GPI: variants seen among roughly 807,000 people sequenced by gnomAD.
GPI encodes the protein D-hexose-6-phosphate anomerase.
A neutral mutation model predicts 75.8 loss-of-function variants in GPI; 56 were observed. The observed-to-expected ratio is 0.74, with a 90% confidence interval of 0.60 to 0.92. GPI has a LOEUF of 0.92. GPI is among the 40% of genes least tolerant of loss of function. GPI has a pLI of 0.00. For synonymous variants in GPI, 288 were observed against 285.4 expected (o/e 1.01, Z -0.09); for missense variants, 638 against 741.0 (o/e 0.86, Z 1.61).
upstream of GPI, among the ~76,000 whole-genome samples, chr19:34,360,456 G>A (rs575861253): frequency 5.3e-5 from 8 of 152,194 alleles, no homozygotes; most frequent in South Asian, 2.1e-4. Flanking sequence ...AAAATTAGCC[G>A]GGACGGGGTG....
At chr19:34,394,954 T>G (rs1180573380) in intron 12 of GPI, among the ~76,000 whole-genome samples, 3 of 152,044 alleles carry the variant, frequency 2.0e-5, no homozygotes, top group Non-Finnish European at 4.4e-5. Context: ...CCTCAAGCGA[T>G]CCACCTGCCT....
In GPI at chr19:34,400,504, ATCAG is replaced by A; in HGVS notation, c.*473_*476del. ...AAGACAATAGTGGGGTGGGGGCACAATCAGTCAGGACGGCAACTTGGCCTGTGTC... is the reference window on the plus strand; with the variant it reads ...AAGACAATAGTGGGGTGGGGGCACAATCAGGACGGCAACTTGGCCTGTGTC... On this transcript the variant is annotated 3_prime_UTR_variant, in exon 18 of 18. Transcript: ENST00000356487. 2.0e-6 allele frequency: 1 copy of A among 502,964 alleles called. No individual in the cohort carries two copies. Among genetic ancestry groups the A allele is most frequent in the Non-Finnish European group, 3.5e-6 (1 of 288,476 alleles). The allele number at this position is 502,964 out of a possible 1,614,324, so 31.2% of individuals were successfully genotyped here.
intron 4 of GPI, among the ~76,000 whole-genome samples, 161 bp from the exon 5 acceptor site, chr19:34,377,342 T>A (rs1242692567): frequency 9.9e-4 from 80 of 81,164 alleles, no homozygotes; most frequent in Admixed American, 1.4e-3. Context: ...AAAAAATATA[T>A]ATATATATAT....
At chr19:34,397,573 C>T (rs2074963228) in intron 14 of GPI, 1 of 151,874 alleles carries the variant, frequency 6.6e-6, no homozygotes, top group Admixed American at 6.6e-5. Context: ...CTCAACGTCC[C>T]AGGCTCAAGC....
At chr19:34,371,168 G>A (rs968498622) in intron 4 of GPI, among the ~76,000 whole-genome samples, 3 of 152,248 alleles carry the variant, frequency 2.0e-5, no homozygotes, top group South Asian at 2.1e-4. Context: ...CTTAAAGCTG[G>A]CCACTGGAGT....
intron 4 of GPI, 65 bp from the exon 5 acceptor site, chr19:34,377,438 G>T: frequency 8.6e-7 from 1 of 1,158,258 alleles, no homozygotes. Context: ...CGGCAGTAAT[G>T]ATGTTTTTGA....
chr19:34,378,883 C>G, intron 6 of GPI, 51 bp from the exon 7 acceptor site: 1 of 1,421,144 alleles, frequency 7.0e-7, no homozygotes, highest in Non-Finnish European at 1.0e-6. Context: ...GGCTCAAGGC[C>G]TGCACCCACC....
chr19:34,377,336 A>AAAATAT (rs2074558981), intron 4 of GPI, among the ~76,000 whole-genome samples, 167 bp from the exon 5 acceptor site: 7 of 49,328 alleles, frequency 1.4e-4, no homozygotes, highest in Non-Finnish European at 1.9e-4. Context: ...AAAAAAAAAA[A>AAAATAT]ATATATATAT....
rs144111841 is a variant in GPI at position 34,381,427 on chromosome 19, C to T, written c.751-39C>T. 13,559 of 1,419,316 alleles carry T rather than the reference C, an allele frequency of 9.6e-3. 187 individuals are homozygous for T. Among genetic ancestry groups the T allele is most frequent in the South Asian group, 0.018 (1,597 of 86,748 alleles). The allele number at this position is 1,419,316 out of a possible 1,614,324, so 87.9% of individuals were successfully genotyped here. A position where few individuals can be genotyped will look rare whatever the true frequency, so the allele number is the denominator to read the frequency against. On this transcript the variant is annotated intron_variant, in intron 8 of 17. Transcript: ENST00000356487. ...CCTGTTCCCATCCCGCTAGCAAATG[C>T]TTCTTTGCATTTCTCTCCCTTTGTT...
chr19:34,362,758 C>T (rs979283608), upstream of GPI, among the ~76,000 whole-genome samples: 5 of 152,162 alleles, frequency 3.3e-5, no homozygotes, highest in Admixed American at 2.0e-4. Flanking sequence ...TCCTCAAGAC[C>T]AGGGGCTAGA....
intron 4 of GPI, among the ~76,000 whole-genome samples, 167 bp from the exon 5 acceptor site, chr19:34,377,336 A>AAAATATATATATATATATATATATATAT: frequency 2.0e-5 from 1 of 49,340 alleles, no homozygotes; most frequent in South Asian, 9.7e-4. Context: ...AAAAAAAAAA[A>AAAATATATATATATATATATATATATAT]ATATATATAT....
chr19:34,375,263 C>T (rs145086186), intron 4 of GPI, among the ~76,000 whole-genome samples: 2,221 of 152,038 alleles, frequency 0.015, 23 homozygotes, highest in South Asian at 0.025. Flanking sequence ...CTGCCTCAGC[C>T]TCCCGAGTAG....
At position 34,393,378 on chromosome 19, in the gene GPI, C is replaced by T. The variant is rs1217946561; in HGVS notation, c.865+70C>T. 1.4e-5 allele frequency: 17 copies of T among 1,176,274 alleles called. No individual in the cohort carries two copies. The highest frequency in any genetic ancestry group is 2.2e-5 in the Non-Finnish European group (17 of 780,172). The allele number at this position is 1,176,274 out of a possible 1,614,324, so 72.9% of individuals were successfully genotyped here. ...TGCAGTCTAAGGTCGGGGTAGGGGG[C>T]TTGTGTCCCTGAACATCATGCTGTC... On this transcript the variant is annotated intron_variant, in intron 10 of 17. Transcript: ENST00000356487. This position sits in a 1 kb window ranked among gnomAD's most constrained non-coding sequence, Gnocchi z 4.4.
At chr19:34,365,655 C>A in intron 1 of GPI, 1 of 627,878 alleles carries the variant, frequency 1.6e-6, no homozygotes, top group Non-Finnish European at 2.9e-6. Context: ...GACATTTCCC[C>A]TCCTCCTCCC....
At chr19:34,368,926 G>A (rs1473072532) in intron 4 of GPI, 4 of 615,238 alleles carry the variant, frequency 6.5e-6, no homozygotes, top group Non-Finnish European at 1.2e-5. Flanking sequence ...GGCAGAAGTG[G>A]GGCCAGTTTC....
Position 34,368,611 on chromosome 19 carries a change from G to A in GPI, c.311G>A (p.Arg104Gln), listed in dbSNP as rs1479506396. The change falls in exon 4 of 18, where the codon CGG becomes CAG. Residue 104 changes from arginine (R) to glutamine (Q), a missense_variant. Coordinates refer to ENST00000356487, the MANE Select transcript of GPI (RefSeq NM_000175.5). The stretch of plus-strand genomic sequence containing the variant: ...CGAGCCGTGCTGCACGTGGCTCTGC[G>A]GAACCGGTCAAACACACCCATCCTG... The part of the protein sequence containing the change: ...EGRAVLHVAL[R>Q]NRSNTPILVD... 4.3e-6 allele frequency: 7 copies of A among 1,613,980 alleles called. No homozygotes were observed. The highest frequency in any genetic ancestry group is 2.2e-5 in the East Asian group (1 of 44,900).
intron 4 of GPI, among the ~76,000 whole-genome samples, chr19:34,374,710 CTTTCTTT>C (rs1199964775): frequency 6.6e-6 from 1 of 151,022 alleles, no homozygotes; most frequent in Non-Finnish European, 1.5e-5. Flanking sequence ...CTTTTCTTTT[CTTTCTTT>C]TTTCTTTTTT....
rs752431688 is a variant in GPI, at chr19:34,399,946, T to C, written c.1587T>C (p.Leu529=). The part of the protein sequence containing the change: ...KQLAKKIEPE[L]DGSAQVTSHD... Reference sequence around the variant, plus strand: ...TGGCTAAGAAAATAGAGCCTGAGCTTGATGGCAGTGCTCAAGTGACCTCTC... The same window carrying C: ...TGGCTAAGAAAATAGAGCCTGAGCTCGATGGCAGTGCTCAAGTGACCTCTC... Residue 529 remains leucine (L), a synonymous_variant, in exon 18 of 18, where the codon CTT becomes CTC. Transcript: ENST00000356487. 3 of 1,613,850 alleles carry C rather than the reference T, an allele frequency of 1.9e-6. No individual in the cohort carries two copies. Among genetic ancestry groups the C allele is most frequent in the Non-Finnish European group, 2.5e-6 (3 of 1,179,912 alleles).
At chr19:34,387,902 G>A (rs1447266445) in intron 9 of GPI, among the ~76,000 whole-genome samples, 2 of 152,174 alleles carry the variant, frequency 1.3e-5, no homozygotes, top group Admixed American at 1.3e-4. Flanking sequence ...ACACAGGTGA[G>A]ACCTTCGGTG....
Sources: allele counts gnomAD v4.1 joint callset (sites outside exome capture counted in the v4.1 genomes callset), GRCh38; gene constraint gnomAD v4.1.1; non-coding constraint Gnocchi (gnomAD v3.1); transcripts MANE v1.5; gene names NCBI Gene and HGNC (gene_info 2026-07-23, HGNC 2026-07-21).